The following BRD4 variants were observed in gnomAD, a reference collection of about 807,000 sequenced individuals.
BRD4 encodes the protein bromodomain-containing protein 4.
BRD4 carries 16 observed loss-of-function variants against 142.1 expected under a neutral mutation model. The ratio of observed to expected loss-of-function variants is 0.11; its 90% CI spans 0.08 to 0.17. The LOEUF (loss-of-function observed/expected upper bound fraction) is 0.17, where lower values mean the gene tolerates loss of function less well. Among genes scored for constraint, BRD4 ranks in the 10% least tolerant of loss-of-function variants. The pLI, the probability that BRD4 is intolerant of heterozygous loss-of-function variation, is 1.00. For missense variants in BRD4, 1,424 were observed against 1,810.9 expected (o/e 0.79, Z 3.88); for synonymous variants, 833 against 707.5 (o/e 1.18, Z -2.82).
At chr19:15,312,766 T>G (rs1226920910) in intron 1 of BRD4, among the ~76,000 whole-genome samples, 1 of 151,690 alleles carries the variant, frequency 6.6e-6, no homozygotes, top group African/African-American at 2.4e-5. Flanking sequence ...GGAAACCCCA[T>G]CTCTACTAAA....
intron 11 of BRD4, chr19:15,253,809 C>T (rs1568382771): frequency 3.2e-6 from 5 of 1,574,606 alleles, no homozygotes; most frequent in Non-Finnish European, 4.3e-6. Context: ...TCAAGGTCAA[C>T]AGCACAGCCT....
At chr19:15,248,978 C>A in intron 11 of BRD4, 1 of 522,310 alleles carries the variant, frequency 1.9e-6, no homozygotes. Flanking sequence ...CATCACCCTC[C>A]AGGAGATGCC....
At chr19:15,284,257 T>C (rs1202076518) in intron 1 of BRD4, among the ~76,000 whole-genome samples, 3 of 152,016 alleles carry the variant, frequency 2.0e-5, no homozygotes, top group Non-Finnish European at 4.4e-5. Flanking sequence ...CAGAATCCAA[T>C]CTATGGGGAT....
chr19:15,273,239 C>A, intron 1 of BRD4, 106 bp from the exon 2 acceptor site: 1 of 1,184,348 alleles, frequency 8.4e-7, no homozygotes, highest in Non-Finnish European at 1.2e-6. Flanking sequence ...AGTTCCCTGG[C>A]GGTAGCTAGC....
intron 1 of BRD4, among the ~76,000 whole-genome samples, chr19:15,301,865 GAAA>G (rs952860124): frequency 4.9e-5 from 2 of 40,474 alleles, no homozygotes; most frequent in Non-Finnish European, 5.2e-5. Flanking sequence ...CCGTCTCAAA[GAAA>G]AAAAAAAAAA....
intron 6 of BRD4, among the ~76,000 whole-genome samples, chr19:15,263,948 C>T (rs778274819): frequency 2.0e-5 from 3 of 152,220 alleles, no homozygotes; most frequent in African/African-American, 4.8e-5. Flanking sequence ...AGAAGAAACA[C>T]GTAACAAGTC....
At chr19:15,322,790 C>G (rs2048074007) in intron 1 of BRD4, among the ~76,000 whole-genome samples, 2 of 148,974 alleles carry the variant, frequency 1.3e-5, no homozygotes, top group African/African-American at 5.0e-5. Flanking sequence ...TAGCGTGAAC[C>G]TGGGAGGCAG....
chr19:15,245,061 C>T (rs2047273523), intron 11 of BRD4: 1 of 506,774 alleles, frequency 2.0e-6, no homozygotes. Context: ...CCCAACGCCT[C>T]CCACTACTCA....
intron 1 of BRD4, among the ~76,000 whole-genome samples, chr19:15,299,955 T>C (rs575186735): frequency 4.6e-5 from 7 of 152,256 alleles, no homozygotes; most frequent in African/African-American, 1.7e-4. Context: ...CCCTTGGAGT[T>C]TGCACCTGGC....
At chr19:15,255,694 T>C in intron 9 of BRD4, 102 bp from the exon 10 acceptor site, 1 of 1,381,504 alleles carries the variant, frequency 7.2e-7, no homozygotes, top group South Asian at 1.4e-5. Context: ...GCCCTTCCCA[T>C]ACCCCCCACC....
chr19:15,251,103 G>A (rs1002154303), intron 11 of BRD4, among the ~76,000 whole-genome samples: 6 of 152,198 alleles, frequency 3.9e-5, no homozygotes, highest in Non-Finnish European at 5.9e-5. Context: ...GGGGCAGAGG[G>A]TGGGGAATAC....
intron 1 of BRD4, among the ~76,000 whole-genome samples, chr19:15,324,111 A>C (rs1425644214): frequency 6.6e-6 from 1 of 152,096 alleles, no homozygotes; most frequent in Non-Finnish European, 1.5e-5. Flanking sequence ...CTGCTCTGGT[A>C]CACGGCTCCA....
chr19:15,315,310 T>C (rs1487689123), intron 1 of BRD4, among the ~76,000 whole-genome samples: 1 of 152,102 alleles, frequency 6.6e-6, no homozygotes, highest in Non-Finnish European at 1.5e-5. Context: ...ATTAGGATCT[T>C]GTGCAACAAT....
intron 11 of BRD4, chr19:15,244,981 G>C: frequency 2.4e-6 from 2 of 834,150 alleles, no homozygotes; most frequent in Non-Finnish European, 3.6e-6. Flanking sequence ...TCCTAGCAGG[G>C]ACTGTGCCTG....
intron 1 of BRD4, among the ~76,000 whole-genome samples, chr19:15,306,886 C>G (rs1033799022): frequency 6.6e-6 from 1 of 152,064 alleles, no homozygotes; most frequent in Non-Finnish European, 1.5e-5. Context: ...GTCACATTAC[C>G]AAAATGTGAC....
intron 1 of BRD4, among the ~76,000 whole-genome samples, chr19:15,297,133 C>G (rs1390909502): frequency 6.6e-6 from 1 of 152,180 alleles, no homozygotes; most frequent in East Asian, 1.9e-4. Flanking sequence ...TTTAAAAGTT[C>G]CTTCCCCTTT....
At chr19:15,318,511 A>G (rs1341603869) in intron 1 of BRD4, among the ~76,000 whole-genome samples, 1 of 152,200 alleles carries the variant, frequency 6.6e-6, no homozygotes, top group Non-Finnish European at 1.5e-5. Flanking sequence ...AAACGTAAGC[A>G]TGTCATGCTG....
At position 15,238,382 on chromosome 19, in the gene BRD4, A is replaced by G; in HGVS notation, c.4084T>C (p.Phe1362Leu). 6.2e-7 allele frequency: 1 copy of G among 1,614,106 alleles called. No homozygotes were observed. The highest frequency in any genetic ancestry group is 2.2e-5 in the East Asian group (1 of 44,882). ...CAGAAGCCACCTAGGTGCGCTCAGA[A>G]AAGATTTTCTTCAAATATTGACAAT... ...DLLSIFEENL[F>L] The change falls in exon 20 of 20, where the codon TTC (phenylalanine) becomes CTC (leucine). Residue 1362 changes from phenylalanine to leucine, a missense_variant. By Grantham distance (22) the Phe-to-Leu change is conservative. This residue lies in a region of BRD4 where 14 missense variants were observed against 49.5 expected (regional missense o/e 0.28). Transcript: ENST00000679869. The surrounding 1 kb of genome is among the most constrained non-coding windows in gnomAD (Gnocchi z 7.2).
intron 1 of BRD4, among the ~76,000 whole-genome samples, chr19:15,321,922 G>A (rs531264397): frequency 6.6e-6 from 1 of 152,030 alleles, no homozygotes. Context: ...GGGAAGAAAC[G>A]AAACTAAAGA....
Sources: allele counts gnomAD v4.1 joint callset (sites outside exome capture counted in the v4.1 genomes callset), GRCh38; gene constraint gnomAD v4.1.1; regional missense constraint gnomAD v4.1.1; non-coding constraint Gnocchi (gnomAD v3.1); transcripts MANE v1.5; gene names NCBI Gene and HGNC (gene_info 2026-07-23, HGNC 2026-07-21).